LRIG1: variants seen among roughly 807,000 people sequenced by gnomAD.
LRIG1 encodes the protein leucine rich repeats and immunoglobulin like domains 1.
LRIG1 carries 48 observed loss-of-function variants against 99.2 expected under a neutral mutation model. The observed-to-expected ratio is 0.48, with a 90% CI of 0.38 to 0.62. LRIG1 has a LOEUF of 0.62. Ranked by LOEUF, LRIG1 falls within the 20% of genes least tolerant of loss-of-function variation. The pLI is 0.00. For missense variants in LRIG1, 1,646 were observed against 1,434.4 expected (o/e 1.15, Z -2.38); for synonymous variants, 772 against 596.1 (o/e 1.29, Z -4.30).
intron 3 of LRIG1, among the ~76,000 whole-genome samples, chr3:66,435,969 A>T (rs1304891455): frequency 6.6e-6 from 1 of 152,214 alleles, no homozygotes; most frequent in Non-Finnish European, 1.5e-5. Context: ...AAACTTACAC[A>T]GTATGACTGA....
chr3:66,468,496 G>T (rs1700525854), intron 1 of LRIG1, among the ~76,000 whole-genome samples: 1 of 152,158 alleles, frequency 6.6e-6, no homozygotes, highest in Non-Finnish European at 1.5e-5. Context: ...ACTCAATTCT[G>T]TCTGGACTCC....
intron 6 of LRIG1, among the ~76,000 whole-genome samples, chr3:66,412,060 C>T (rs1051098873): frequency 2.6e-5 from 4 of 152,184 alleles, no homozygotes; most frequent in African/African-American, 4.8e-5. Flanking sequence ...AGGCTTTCAA[C>T]GTTTAAAAAG....
At chr3:66,428,101 T>C (rs1327956420) in intron 3 of LRIG1, among the ~76,000 whole-genome samples, 1 of 152,256 alleles carries the variant, frequency 6.6e-6, no homozygotes, top group African/African-American at 2.4e-5. Flanking sequence ...AACACGGACT[T>C]GTCTTCTGCA....
intron 3 of LRIG1, among the ~76,000 whole-genome samples, chr3:66,418,153 G>A (rs976843224): frequency 1.8e-4 from 28 of 152,090 alleles, no homozygotes; most frequent in African/African-American, 5.1e-4. Context: ...GTGCAGTGGC[G>A]CCATCTTGGC....
At chr3:66,476,719 GAGTGACATTAAATGGATTTCTCA>G (rs1700730591) in intron 1 of LRIG1, among the ~76,000 whole-genome samples, 1 of 152,202 alleles carries the variant, frequency 6.6e-6, no homozygotes, top group Non-Finnish European at 1.5e-5. Flanking sequence ...GTTGCTGGCT[GAGTGACATTAAATGGATTTCTCA>G]AGCCAGCTTT....
At chr3:66,399,813 A>G (rs996913405) in intron 9 of LRIG1, among the ~76,000 whole-genome samples, 1 of 152,184 alleles carries the variant, frequency 6.6e-6, no homozygotes, top group African/African-American at 2.4e-5. Flanking sequence ...CCACTTCTGA[A>G]AAGTGCATTC....
intron 3 of LRIG1, among the ~76,000 whole-genome samples, chr3:66,437,546 C>T (rs1703401411): frequency 6.6e-6 from 1 of 152,182 alleles, no homozygotes. Flanking sequence ...GCCACTTCTA[C>T]TATAACGTGC....
chr3:66,405,362 C>T, intron 8 of LRIG1, 84 bp from the exon 9 acceptor site: 1 of 1,094,500 alleles, frequency 9.1e-7, no homozygotes, highest in Non-Finnish European at 1.4e-6. Flanking sequence ...TGCTCGGAAG[C>T]TGAAGTCCCC....
At chr3:66,446,686 G>A (rs1055589917) in intron 3 of LRIG1, among the ~76,000 whole-genome samples, 1 of 151,990 alleles carries the variant, frequency 6.6e-6, no homozygotes, top group Non-Finnish European at 1.5e-5. Flanking sequence ...GATTACAGGT[G>A]TGAGCCACCA....
At chr3:66,469,238 T>C (rs1215052709) in intron 1 of LRIG1, 1 of 152,160 alleles carries the variant, frequency 6.6e-6, no homozygotes, top group African/African-American at 2.4e-5. Flanking sequence ...ATGAAAAAAA[T>C]CACTCAGATC....
intron 4 of LRIG1, among the ~76,000 whole-genome samples, chr3:66,415,662 C>T (rs1288434644): frequency 6.6e-6 from 1 of 152,206 alleles, no homozygotes; most frequent in Non-Finnish European, 1.5e-5. Flanking sequence ...GGTACCTACA[C>T]TTACAGCGTG....
At chr3:66,387,518 C>A (rs947678110) in intron 12 of LRIG1, 1 of 152,132 alleles carries the variant, frequency 6.6e-6, no homozygotes, top group Non-Finnish European at 1.5e-5. Flanking sequence ...CTTTATATAG[C>A]CTTTGTCCAG....
chr3:66,398,010 C>T (rs1261040551), intron 11 of LRIG1, 102 bp downstream of exon 11: 7 of 933,262 alleles, frequency 7.5e-6, no homozygotes, highest in Non-Finnish European at 1.0e-5. Flanking sequence ...AAAATATGTA[C>T]CATGTGAACT....
rs148042191 is a variant in LRIG1 at position 66,383,303 on chromosome 3, T to C, written c.2170A>G (p.Ile724Val). 9.3e-6 allele frequency: 15 copies of C among 1,609,656 alleles called. No individual in the cohort carries two copies. Among genetic ancestry groups the C allele is most frequent in the Non-Finnish European group, 1.2e-5 (14 of 1,176,324 alleles). Reference sequence around the variant, plus strand: ...GGGCGGTCCCCCTTGAACCAGGTGATGCGGGGCGGAGGGTTCCCCGTGGCT... The same window carrying C: ...GGGCGGTCCCCCTTGAACCAGGTGACGCGGGGCGGAGGGTTCCCCGTGGCT... ...CKATGNPPPR[I>V]TWFKGDRPLS... is the part of the protein sequence containing the mutation. The change falls in exon 15 of 19, where the codon ATC (isoleucine) becomes GTC (valine). Residue 724 changes from isoleucine (I) to valine (V), a missense_variant. Physicochemically the swap from Ile to Val is conservative, Grantham distance 29. Transcript: ENST00000273261.
At chr3:66,397,713 T>G (rs759918226) in intron 11 of LRIG1, among the ~76,000 whole-genome samples, 10 of 152,188 alleles carry the variant, frequency 6.6e-5, no homozygotes, top group Admixed American at 3.9e-4. Flanking sequence ...GGCTCTGAAG[T>G]AGACCCTCTC....
chr3:66,405,353 GC>G, intron 8 of LRIG1, 75 bp from the exon 9 acceptor site: 1 of 1,223,676 alleles, frequency 8.2e-7, no homozygotes, highest in Non-Finnish European at 1.2e-6. Flanking sequence ...CCAGCCTGCT[GC>G]TCGGAAGCTG....
intron 3 of LRIG1, among the ~76,000 whole-genome samples, chr3:66,446,192 CAAG>C (rs761345814): frequency 5.3e-4 from 81 of 152,224 alleles, no homozygotes; most frequent in Admixed American, 8.5e-4. Flanking sequence ...CAGATCCAGC[CAAG>C]AAGAGGGCTC....
chr3:66,413,728 T>C (rs572288177), intron 5 of LRIG1, among the ~76,000 whole-genome samples: 42 of 152,154 alleles, frequency 2.8e-4, no homozygotes, highest in African/African-American at 7.5e-4. Context: ...TTCTGCAGTG[T>C]CTCATGATGC....
At chr3:66,464,561 G>A (rs902490360) in intron 1 of LRIG1, among the ~76,000 whole-genome samples, 1 of 151,392 alleles carries the variant, frequency 6.6e-6, no homozygotes, top group Non-Finnish European at 1.5e-5. Context: ...CATTTGGCTT[G>A]AGGATCGCCA....
Sources: gnomAD v4.1 joint callset for allele counts (sites outside exome capture counted in the v4.1 genomes callset) on GRCh38, gnomAD v4.1.1 for gene constraint, MANE v1.5 for transcripts, NCBI Gene and HGNC (gene_info 2026-07-23, HGNC 2026-07-21) for gene names.